Variants in SYNDIG1 observed in about 807,000 individuals in gnomAD.
The protein encoded by SYNDIG1 is synapse differentiation inducing 1, also known as synapse differentiation-inducing gene protein 1.
A neutral mutation model predicts 19.4 loss-of-function variants in SYNDIG1; 9 were observed. The ratio of observed to expected loss-of-function variants is 0.46; its 90% CI spans 0.28 to 0.81. The LOEUF (loss-of-function observed/expected upper bound fraction) is 0.81. SYNDIG1 is among the 30% of genes least tolerant of loss of function. SYNDIG1 has a pLI of 0.12. For missense variants in SYNDIG1, 311 were observed against 343.3 expected (o/e 0.91, Z 0.74); for synonymous variants, 141 against 145.9 (o/e 0.97, Z 0.24).
chr20:24,512,323 A>C (rs1047609819), intron 1 of SYNDIG1, among the ~76,000 whole-genome samples: 81 of 151,186 alleles, frequency 5.4e-4, no homozygotes, highest in African/African-American at 1.9e-3. Context: ...ACTGAGTGTG[A>C]GCCAAAGCAG....
intron 3 of SYNDIG1, among the ~76,000 whole-genome samples, chr20:24,588,495 G>A (rs904292501): frequency 6.6e-6 from 1 of 152,170 alleles, no homozygotes; most frequent in African/African-American, 2.4e-5. Context: ...TGCTAGAAAT[G>A]CACACTGTCT....
chr20:24,560,953 T>A (rs1008660017), intron 2 of SYNDIG1, among the ~76,000 whole-genome samples: 1 of 152,078 alleles, frequency 6.6e-6, no homozygotes, highest in Admixed American at 6.6e-5. Flanking sequence ...TGCAGAATCT[T>A]TCTCCTCTGT....
intron 3 of SYNDIG1, among the ~76,000 whole-genome samples, chr20:24,659,127 C>T (rs1450841693): frequency 6.6e-6 from 1 of 152,212 alleles, no homozygotes; most frequent in Non-Finnish European, 1.5e-5. Context: ...GCCAAGTCCT[C>T]CCTGTGCCCT....
intron 1 of SYNDIG1, among the ~76,000 whole-genome samples, chr20:24,522,859 G>C (rs940689701): frequency 1.3e-5 from 2 of 152,184 alleles, no homozygotes; most frequent in Non-Finnish European, 2.9e-5. Flanking sequence ...GGGAGCAAGA[G>C]AGAGATGTCA....
intron 3 of SYNDIG1, among the ~76,000 whole-genome samples, chr20:24,633,489 C>T (rs1366991002): frequency 6.6e-6 from 1 of 152,056 alleles, no homozygotes; most frequent in Non-Finnish European, 1.5e-5. Flanking sequence ...GTAACGTTCA[C>T]GGGGGGGAAT....
chr20:24,628,270 AGGGAGTACCAG>A (rs1490607400), intron 3 of SYNDIG1, among the ~76,000 whole-genome samples: 27 of 152,194 alleles, frequency 1.8e-4, no homozygotes, highest in Non-Finnish European at 4.4e-5. Flanking sequence ...ACTCTTCTGA[AGGGAGTACCAG>A]GGGAGCCCCG....
At chr20:24,617,304 G>A (rs961784575) in intron 3 of SYNDIG1, among the ~76,000 whole-genome samples, 5 of 151,986 alleles carry the variant, frequency 3.3e-5, no homozygotes, top group South Asian at 2.1e-4. Context: ...CTCGGTCACC[G>A]ACTCTGCCCC....
intron 2 of SYNDIG1, among the ~76,000 whole-genome samples, chr20:24,551,727 A>C (rs1260814531): frequency 6.6e-6 from 1 of 151,928 alleles, no homozygotes; most frequent in East Asian, 1.9e-4. Flanking sequence ...AGCCATTGTG[A>C]TTTTTTATTT....
chr20:24,518,932 G>A (rs1292598160), intron 1 of SYNDIG1, among the ~76,000 whole-genome samples: 1 of 152,224 alleles, frequency 6.6e-6, no homozygotes, highest in East Asian at 1.9e-4. Flanking sequence ...CTCCAGCAGG[G>A]TCTCTGGAGT....
At chr20:24,475,457 C>G (rs911330297) in intron 1 of SYNDIG1, among the ~76,000 whole-genome samples, 1 of 152,220 alleles carries the variant, frequency 6.6e-6, no homozygotes, top group East Asian at 1.9e-4. Flanking sequence ...GAAACCTTGT[C>G]CTTATGGGTC....
At chr20:24,587,366 G>A (rs962579233) in intron 3 of SYNDIG1, among the ~76,000 whole-genome samples, 4 of 152,160 alleles carry the variant, frequency 2.6e-5, no homozygotes, top group Admixed American at 6.5e-5. Context: ...GTCTGCATCC[G>A]TCTCCAATCA....
chr20:24,494,328 G>T (rs1363620940), intron 1 of SYNDIG1, among the ~76,000 whole-genome samples: 1 of 152,198 alleles, frequency 6.6e-6, no homozygotes. Flanking sequence ...GAGAAGAGTG[G>T]CCTTAGAACC....
chr20:24,531,100 G>A (rs1039702710), intron 1 of SYNDIG1, among the ~76,000 whole-genome samples: 8 of 152,160 alleles, frequency 5.3e-5, no homozygotes, highest in Admixed American at 1.3e-4. Context: ...GTGAGCCACC[G>A]TGCCTGGCCT....
intron 2 of SYNDIG1, among the ~76,000 whole-genome samples, chr20:24,576,231 C>T (rs1025939465): frequency 6.6e-6 from 1 of 152,184 alleles, no homozygotes; most frequent in Admixed American, 6.5e-5. Flanking sequence ...ATTAGAAATA[C>T]TTATTTACTA....
intron 3 of SYNDIG1, among the ~76,000 whole-genome samples, chr20:24,624,872 A>G (rs2059097977): frequency 6.6e-6 from 1 of 152,242 alleles, no homozygotes; most frequent in Non-Finnish European, 1.5e-5. Context: ...AAAATAATTA[A>G]GACAGAACTA....
chr20:24,484,403 G>A (rs556267312), intron 1 of SYNDIG1, among the ~76,000 whole-genome samples: 27 of 152,246 alleles, frequency 1.8e-4, no homozygotes, highest in African/African-American at 5.8e-4. Flanking sequence ...ATTAAACTTC[G>A]TAAAAGGAAG....
At chr20:24,479,354 A>G (rs2055730295) in intron 1 of SYNDIG1, among the ~76,000 whole-genome samples, 1 of 152,236 alleles carries the variant, frequency 6.6e-6, no homozygotes, top group African/African-American at 2.4e-5. Context: ...CCCCAGGGGC[A>G]GGACTCACCT....
At chr20:24,558,788 A>T (rs1051056665) in intron 2 of SYNDIG1, among the ~76,000 whole-genome samples, 7 of 152,310 alleles carry the variant, frequency 4.6e-5, no homozygotes, top group African/African-American at 1.4e-4. Context: ...ATTCCAGTAA[A>T]ATATAGAAAC....
intron 3 of SYNDIG1, among the ~76,000 whole-genome samples, chr20:24,607,316 A>G (rs1436530242): frequency 6.7e-6 from 1 of 150,336 alleles, no homozygotes; most frequent in African/African-American, 2.4e-5. Context: ...AGCCAAGATC[A>G]CACCACTGCA....
Sources: allele counts gnomAD v4.1 joint callset (sites outside exome capture counted in the v4.1 genomes callset), GRCh38; gene constraint gnomAD v4.1.1; transcripts MANE v1.5; gene names NCBI Gene and HGNC (gene_info 2026-07-23, HGNC 2026-07-21).